Variants in GPC6 observed in about 807,000 individuals in gnomAD.
GPC6 encodes the protein glypican 6, also known as glypican-6.
A neutral mutation model predicts 55.2 loss-of-function variants in GPC6; 14 were observed. That is an observed-to-expected ratio of 0.25 (90% CI 0.17 to 0.40). The LOEUF (loss-of-function observed/expected upper bound fraction) is 0.40. Among genes scored for constraint, GPC6 ranks in the 10% least tolerant of loss-of-function variants. GPC6 has a pLI of 1.00. For synonymous variants in GPC6, 278 were observed against 259.6 expected, an observed-to-expected ratio of 1.07 and a Z score of -0.68; for missense variants, 641 against 708.5, an observed-to-expected ratio of 0.90 and a Z score of 1.08.
At chr13:93,991,841 C>T (rs1013782013) in intron 3 of GPC6, among the ~76,000 whole-genome samples, 10 of 152,126 alleles carry the variant, frequency 6.6e-5, no homozygotes, top group Non-Finnish European at 1.3e-4. Flanking sequence ...GATATAACAT[C>T]ACTCTTTATA....
chr13:94,089,368 C>T (rs1364354124), intron 4 of GPC6, among the ~76,000 whole-genome samples: 1 of 152,142 alleles, frequency 6.6e-6, no homozygotes, highest in African/African-American at 2.4e-5. Context: ...TGATTTTGAT[C>T]ATGCAAGGCT....
At chr13:94,253,021 AATG>A (rs1385758797) in intron 4 of GPC6, among the ~76,000 whole-genome samples, 2 of 151,956 alleles carry the variant, frequency 1.3e-5, no homozygotes, top group Non-Finnish European at 2.9e-5. Context: ...TGGTGTCAGG[AATG>A]ATAAGAGGCC....
intron 1 of GPC6, among the ~76,000 whole-genome samples, chr13:93,538,151 A>C (rs184708711): frequency 2.6e-5 from 4 of 152,248 alleles, no homozygotes; most frequent in African/African-American, 7.2e-5. Context: ...GGAAAAAAAA[A>C]ATGTAGTGGC....
intron 3 of GPC6, among the ~76,000 whole-genome samples, chr13:93,954,460 G>A (rs1879404430): frequency 6.6e-6 from 1 of 152,050 alleles, no homozygotes; most frequent in Non-Finnish European, 1.5e-5. Flanking sequence ...GAGTAAATTA[G>A]TGTGCACCAC....
At chr13:93,678,289 G>A (rs748195116) in intron 2 of GPC6, among the ~76,000 whole-genome samples, 16 of 152,038 alleles carry the variant, frequency 1.1e-4, no homozygotes, top group Non-Finnish European at 1.8e-4. Context: ...ACAATACATA[G>A]CATTCCATTC....
At chr13:94,279,164 GGA>G (rs1892298874) in intron 4 of GPC6, among the ~76,000 whole-genome samples, 1 of 151,986 alleles carries the variant, frequency 6.6e-6, no homozygotes, top group Non-Finnish European at 1.5e-5. Flanking sequence ...TTTAGTCTTG[GGA>G]GGGTGTATGT....
chr13:93,235,492 A>G (rs1226480642), intron 1 of GPC6, among the ~76,000 whole-genome samples: 3 of 152,202 alleles, frequency 2.0e-5, no homozygotes, highest in Admixed American at 2.0e-4. Flanking sequence ...AAAGATCATT[A>G]AAGGCCCCTG....
At chr13:93,547,134 T>C (rs985212672) in intron 2 of GPC6, among the ~76,000 whole-genome samples, 1 of 146,424 alleles carries the variant, frequency 6.8e-6, no homozygotes, top group African/African-American at 2.6e-5. Flanking sequence ...ATTGAGGCCA[T>C]CCTGGCCAAC....
intron 1 of GPC6, among the ~76,000 whole-genome samples, chr13:93,291,504 A>T (rs1878319105): frequency 6.6e-6 from 1 of 152,062 alleles, no homozygotes; most frequent in African/African-American, 2.4e-5. Flanking sequence ...TTCGTTATGT[A>T]TTTCTTCTAC....
intron 6 of GPC6, among the ~76,000 whole-genome samples, chr13:94,354,220 C>G (rs1412017913): frequency 6.6e-6 from 1 of 152,080 alleles, no homozygotes; most frequent in East Asian, 1.9e-4. Flanking sequence ...ATGGACTCCA[C>G]ATCAGTCTTT....
intron 2 of GPC6, among the ~76,000 whole-genome samples, chr13:93,706,748 A>G (rs888394202): frequency 1.3e-5 from 2 of 151,876 alleles, no homozygotes; most frequent in African/African-American, 4.8e-5. Context: ...AGAATCTAAT[A>G]TTTGCCAGTC....
At chr13:94,197,984 AAAT>A (rs1402230258) in intron 4 of GPC6, among the ~76,000 whole-genome samples, 2 of 152,244 alleles carry the variant, frequency 1.3e-5, no homozygotes, top group East Asian at 1.9e-4. Context: ...TTTGCAAGAA[AAAT>A]AATGTTTTGA....
chr13:94,133,854 A>G (rs1474856526), intron 4 of GPC6, among the ~76,000 whole-genome samples: 3 of 152,272 alleles, frequency 2.0e-5, no homozygotes, highest in African/African-American at 7.2e-5. Flanking sequence ...GTGCAATAAC[A>G]AAGGTGAGAT....
intron 1 of GPC6, among the ~76,000 whole-genome samples, chr13:93,444,567 A>C (rs1278709261): frequency 6.6e-6 from 1 of 152,212 alleles, no homozygotes; most frequent in Non-Finnish European, 1.5e-5. Context: ...AGATCGCGCC[A>C]CTGCACTCCA....
intron 2 of GPC6, among the ~76,000 whole-genome samples, chr13:93,661,591 A>T (rs190247532): frequency 6.6e-6 from 1 of 152,166 alleles, no homozygotes; most frequent in African/African-American, 2.4e-5. Flanking sequence ...AGGAAGCAAG[A>T]CCTTGGTATT....
At chr13:94,185,289 A>G (rs1889136174) in intron 4 of GPC6, among the ~76,000 whole-genome samples, 1 of 151,334 alleles carries the variant, frequency 6.6e-6, no homozygotes, top group African/African-American at 2.4e-5. Flanking sequence ...GCCATTGGCC[A>G]TCTACAAAAT....
chr13:93,840,048 A>G (rs1469394175), intron 3 of GPC6, among the ~76,000 whole-genome samples: 4 of 152,126 alleles, frequency 2.6e-5, no homozygotes, highest in Non-Finnish European at 4.4e-5. Flanking sequence ...ATTGGTGCCA[A>G]TTCTTCTTTG....
intron 2 of GPC6, among the ~76,000 whole-genome samples, chr13:93,761,429 A>G (rs1217489728): frequency 6.6e-6 from 1 of 152,198 alleles, no homozygotes; most frequent in Non-Finnish European, 1.5e-5. Context: ...TGTCATGCTT[A>G]AGACAATTAA....
In GPC6 at chr13:94,319,961, C is replaced by T. The variant is rs1170010887; in HGVS notation, c.1152+13838C>T. On this transcript the variant is annotated intron_variant, in intron 6 of 8. Transcript: ENST00000377047. ...GCCATTATGTCTTCAAATATTGCTT[C>T]ACCGTCTTTCACTCTCTTTCTCTAC... Among the ~76,000 whole-genome samples the T allele has an allele frequency of 3.3e-5, 5 of 152,136 alleles. No individual in the cohort carries two copies. The East Asian group carries it at 7.7e-4, about 23-fold the overall frequency.
Sources: allele counts gnomAD v4.1 joint callset (sites outside exome capture counted in the v4.1 genomes callset), GRCh38; gene constraint gnomAD v4.1.1; transcripts MANE v1.5; gene names NCBI Gene and HGNC (gene_info 2026-07-23, HGNC 2026-07-21).